Variants in PARN observed in about 807,000 individuals in gnomAD.
PARN encodes poly(A)-specific ribonuclease PARN.
A neutral mutation model predicts 102.8 loss-of-function variants in PARN; 71 were observed. That is an observed-to-expected ratio of 0.69 (90% confidence interval 0.57 to 0.84). The LOEUF is 0.84. Among genes scored for constraint, PARN ranks in the 40% least tolerant of loss-of-function variants. PARN has a pLI of 0.00. For synonymous variants in PARN, 261 were observed against 252.9 expected (o/e 1.03, Z -0.30); for missense variants, 782 against 760.9 (o/e 1.03, Z -0.33).
chr16:14,499,676 C>T (rs1262632926), intron 21 of PARN, among the ~76,000 whole-genome samples: 1 of 152,082 alleles, frequency 6.6e-6, no homozygotes, highest in African/African-American at 2.4e-5. Flanking sequence ...TAAAAACCAA[C>T]TGGTTAGATA....
chr16:14,578,453 G>A (rs34664657), intron 18 of PARN: 46,884 of 150,986 alleles, frequency 0.31, 8,357 homozygotes, highest in South Asian at 0.42. Context: ...TCAGGAGTTC[G>A]AGACCAGCCT....
intron 6 of PARN, among the ~76,000 whole-genome samples, chr16:14,614,336 G>C (rs1003353970): frequency 5.9e-5 from 9 of 152,084 alleles, no homozygotes; most frequent in African/African-American, 2.2e-4. Context: ...TTGGTATAGA[G>C]GACTAAAGAG....
chr16:14,606,528 TA>T lies in PARN; in HGVS notation c.660-3del. 2 of 1,551,822 alleles carry T rather than the reference TA, an allele frequency of 1.3e-6. No homozygotes were observed. Among genetic ancestry groups the T allele is most frequent in the South Asian group, 1.2e-5 (1 of 85,562 alleles). On this transcript the variant is annotated splice_polypyrimidine_tract_variant and splice_region_variant and intron_variant, in intron 9 of 23. Coordinates refer to ENST00000437198, the MANE Select transcript of PARN (RefSeq NM_002582.4). ...TCAACATGAATGCCTTTCGGATACC[TA>T]AAGAAAAGAAAAACATAGTATCAGT...
At chr16:14,606,821 G>A (rs1428249845) in intron 9 of PARN, among the ~76,000 whole-genome samples, 3 of 143,394 alleles carry the variant, frequency 2.1e-5, no homozygotes, top group South Asian at 2.2e-4. Flanking sequence ...TCTCTCTGTC[G>A]CCCAGGCTGG....
At chr16:14,605,089 A>G (rs1033352940) in intron 10 of PARN, among the ~76,000 whole-genome samples, 2 of 151,734 alleles carry the variant, frequency 1.3e-5, no homozygotes, top group Admixed American at 6.6e-5. Flanking sequence ...ACAGGCATGT[A>G]CCACTATGCC....
intron 21 of PARN, among the ~76,000 whole-genome samples, chr16:14,531,159 C>A (rs1448113203): frequency 6.6e-6 from 1 of 152,090 alleles, no homozygotes; most frequent in African/African-American, 2.4e-5. Context: ...GCCTGTCCAA[C>A]AGAGTGAAAC....
At chr16:14,589,758 T>C (rs571149832) in intron 13 of PARN, among the ~76,000 whole-genome samples, 11 of 150,540 alleles carry the variant, frequency 7.3e-5, no homozygotes, top group African/African-American at 2.7e-4. Context: ...TTCTAGCTAC[T>C]CAGGAGGCTG....
At chr16:14,511,374 C>T (rs139112597) in intron 21 of PARN, among the ~76,000 whole-genome samples, 32 of 152,030 alleles carry the variant, frequency 2.1e-4, no homozygotes, top group Non-Finnish European at 4.0e-4. Flanking sequence ...AGGGAAAGAG[C>T]GTCTAGACAG....
chr16:14,487,005 C>T (rs1298868223), intron 21 of PARN, among the ~76,000 whole-genome samples: 1 of 152,232 alleles, frequency 6.6e-6, no homozygotes, highest in Non-Finnish European at 1.5e-5. Context: ...CTCAAACACT[C>T]CGGCTTCACT....
Position 14,555,710 on chromosome 16 carries a change from C to A in PARN, c.1263-1G>T. On this transcript the variant is annotated splice_acceptor_variant, in intron 18 of 23. Coordinates refer to ENST00000437198, the MANE Select transcript of PARN (RefSeq NM_002582.4). LOFTEE classifies it high-confidence loss of function. ...ATCCATGACCCTCATAAGAAATAACCTACAAGAAGAAAAGACAAACAAGTA... is the reference window on the plus strand; with the variant it reads ...ATCCATGACCCTCATAAGAAATAACATACAAGAAGAAAAGACAAACAAGTA... The A allele has an allele frequency of 6.8e-7, 1 of 1,460,708 alleles. No homozygotes were observed. Among genetic ancestry groups the A allele is most frequent in the South Asian group, 1.3e-5 (1 of 74,238 alleles). The allele number at this position is 1,460,708 out of a possible 1,614,324, so 90.5% of individuals were successfully genotyped here. A position where few individuals can be genotyped will look rare whatever the true frequency, so the allele number is the denominator to read the frequency against.
chr16:14,529,269 G>A (rs975462389), intron 21 of PARN, among the ~76,000 whole-genome samples: 9 of 152,198 alleles, frequency 5.9e-5, no homozygotes, highest in South Asian at 2.1e-4. Context: ...TTTACTTGGC[G>A]TTGGAAAGGT....
chr16:14,627,920 A>C (rs1310977654), intron 3 of PARN, among the ~76,000 whole-genome samples: 4 of 152,162 alleles, frequency 2.6e-5, no homozygotes, highest in Admixed American at 2.6e-4. Flanking sequence ...GTGGCAGGAG[A>C]ATCAGTTGAG....
At chr16:14,547,505 A>G (rs1356320345) in intron 21 of PARN, among the ~76,000 whole-genome samples, 1 of 152,150 alleles carries the variant, frequency 6.6e-6, no homozygotes, top group Non-Finnish European at 1.5e-5. Flanking sequence ...CAAGAGTTCA[A>G]GACCAGCCGA....
At chr16:14,607,582 T>C (rs1438464401) in intron 9 of PARN, among the ~76,000 whole-genome samples, 1 of 152,116 alleles carries the variant, frequency 6.6e-6, no homozygotes, top group East Asian at 1.9e-4. Context: ...TTTTGCATGG[T>C]ATTAACAGCT....
intron 21 of PARN, among the ~76,000 whole-genome samples, chr16:14,486,200 CA>C (rs557447691): frequency 2.6e-5 from 4 of 151,542 alleles, no homozygotes; most frequent in South Asian, 2.1e-4. Flanking sequence ...CACACACACA[CA>C]AAAAAAACCA....
At chr16:14,576,482 T>C (rs1969149114) in intron 18 of PARN, among the ~76,000 whole-genome samples, 1 of 152,206 alleles carries the variant, frequency 6.6e-6, no homozygotes, top group East Asian at 1.9e-4. Flanking sequence ...CCGAAGACAG[T>C]TAACAAAACA....
chr16:14,442,088 A>G (rs1418580179), intron 23 of PARN, among the ~76,000 whole-genome samples: 1 of 152,214 alleles, frequency 6.6e-6, no homozygotes, highest in Non-Finnish European at 1.5e-5. Flanking sequence ...TCCTTTGGGC[A>G]TGCCTCTGTA....
intron 18 of PARN, among the ~76,000 whole-genome samples, chr16:14,568,390 T>C (rs1968565462): frequency 6.6e-6 from 1 of 150,998 alleles, no homozygotes; most frequent in Non-Finnish European, 1.5e-5. Context: ...TTTTTTTGTA[T>C]TTTTAGTAGA....
rs1376159353 is a variant in PARN, at chr16:14,627,099, T to G, written c.327+7A>C. On this transcript the variant is annotated splice_region_variant and intron_variant, in intron 5 of 23. Coordinates refer to ENST00000437198, the MANE Select transcript of PARN (RefSeq NM_002582.4). ...CAGAAAAGAAAAATCTCAATTATGC[T>G]ACTTACCTGACAAACAAATTTGACA... 12 of 1,527,756 alleles carry G rather than the reference T, an allele frequency of 7.9e-6. No homozygotes were observed. In the African/African-American group the frequency reaches 1.2e-4, roughly 16 times the overall value. 94.6% of individuals were successfully genotyped at this position (1,527,756 alleles called of 1,614,324 possible). A position where few individuals can be genotyped will look rare whatever the true frequency, so the allele number is the denominator to read the frequency against.
Sources: gnomAD v4.1 joint callset for allele counts (sites outside exome capture counted in the v4.1 genomes callset) on GRCh38, gnomAD v4.1.1 for gene constraint, MANE v1.5 for transcripts, NCBI Gene and HGNC (gene_info 2026-07-23, HGNC 2026-07-21) for gene names.